Variants in FIG4 observed in about 807,000 individuals in gnomAD.
FIG4 encodes polyphosphoinositide phosphatase.
Under a neutral mutation model 118.6 loss-of-function variants are expected in FIG4, and 112 were observed. The ratio of observed to expected loss-of-function variants is 0.94; its 90% CI spans 0.81 to 1.11. The LOEUF (loss-of-function observed/expected upper bound fraction) is 1.11. FIG4 is among the 50% of genes least tolerant of loss of function. FIG4 has a pLI of 0.00. For missense variants in FIG4, 969 were observed against 1,111.7 expected (o/e 0.87, Z 1.83); for synonymous variants, 369 against 381.2 (o/e 0.97, Z 0.37).
At chr6:109,800,529 C>T (rs1257281381) in intron 22 of FIG4, among the ~76,000 whole-genome samples, 2 of 152,118 alleles carry the variant, frequency 1.3e-5, no homozygotes, top group East Asian at 1.9e-4. Context: ...GTGTTGCTGA[C>T]ATTATTGTAA....
intron 1 of FIG4, among the ~76,000 whole-genome samples, chr6:109,696,614 AT>A (rs1406996221): frequency 6.6e-6 from 1 of 152,244 alleles, no homozygotes; most frequent in Non-Finnish European, 1.5e-5. Flanking sequence ...TCTAGAGGAC[AT>A]TATGTTATAT....
At chr6:109,787,901 T>C (rs1218587316) in intron 18 of FIG4, among the ~76,000 whole-genome samples, 1 of 152,224 alleles carries the variant, frequency 6.6e-6, no homozygotes, top group East Asian at 1.9e-4. Flanking sequence ...GTAGTTAATA[T>C]ACAATCAGTC....
intron 10 of FIG4, among the ~76,000 whole-genome samples, chr6:109,744,286 A>G (rs1234228591): frequency 2.0e-5 from 3 of 152,148 alleles, no homozygotes; most frequent in Non-Finnish European, 2.9e-5. Context: ...AGGTGGTATT[A>G]GCCTCATAGT....
At chr6:109,692,034 T>G (rs1774465360) in intron 1 of FIG4, among the ~76,000 whole-genome samples, 1 of 152,224 alleles carries the variant, frequency 6.6e-6, no homozygotes, top group Admixed American at 6.6e-5. Context: ...TAAAGACAGA[T>G]AATTTGTTTG....
intron 10 of FIG4, among the ~76,000 whole-genome samples, chr6:109,748,621 T>C (rs527531385): frequency 6.6e-6 from 1 of 152,260 alleles, no homozygotes; most frequent in East Asian, 1.9e-4. Context: ...ATTAGTCTGT[T>C]TGCACACTGC....
intron 3 of FIG4, among the ~76,000 whole-genome samples, chr6:109,724,661 A>G (rs927645761): frequency 2.6e-5 from 4 of 152,176 alleles, no homozygotes; most frequent in Non-Finnish European, 4.4e-5. Flanking sequence ...TATCTGTTAG[A>G]AAATGGAGAG....
At chr6:109,806,276 T>G (rs543633019) in intron 22 of FIG4, among the ~76,000 whole-genome samples, 1 of 152,334 alleles carries the variant, frequency 6.6e-6, no homozygotes, top group South Asian at 2.1e-4. Context: ...TTATTTTTGT[T>G]TATCTGGAAC....
intron 18 of FIG4, among the ~76,000 whole-genome samples, chr6:109,787,764 A>C (rs1385143180): frequency 6.6e-6 from 1 of 152,194 alleles, no homozygotes; most frequent in Non-Finnish European, 1.5e-5. Context: ...TGAATTAGTA[A>C]ATACTGGACC....
chr6:109,765,250 C>A (rs1035393046), intron 14 of FIG4, 89 bp downstream of exon 14: 1 of 1,022,930 alleles, frequency 9.8e-7, no homozygotes, highest in Non-Finnish European at 1.5e-6. Context: ...AGCGTTTCTA[C>A]TTTTAGCTTC....
chr6:109,786,521 G>T (rs1777963775), intron 18 of FIG4, 72 bp downstream of exon 18: 1 of 1,545,464 alleles, frequency 6.5e-7, no homozygotes, highest in Admixed American at 1.7e-5. Flanking sequence ...ATATATGTCT[G>T]TCTTTACCAG....
At chr6:109,819,324 G>T (rs1778943308) in intron 22 of FIG4, among the ~76,000 whole-genome samples, 1 of 152,200 alleles carries the variant, frequency 6.6e-6, no homozygotes, top group African/African-American at 2.4e-5. Context: ...TGAGGTCCTT[G>T]GGTAGCCATC....
chr6:109,806,808 C>T (rs933227099), intron 22 of FIG4, among the ~76,000 whole-genome samples: 3 of 151,948 alleles, frequency 2.0e-5, no homozygotes, highest in Non-Finnish European at 4.4e-5. Context: ...TCCCTGTGTC[C>T]ATGTGTTCTC....
intron 1 of FIG4, chr6:109,701,850 C>T (rs1195486463): frequency 2.3e-6 from 1 of 431,942 alleles, no homozygotes. Flanking sequence ...GAGAGAGAAA[C>T]ATAGCGATTA....
At chr6:109,701,568 G>A (rs1238202245) in intron 1 of FIG4, among the ~76,000 whole-genome samples, 1 of 152,170 alleles carries the variant, frequency 6.6e-6, no homozygotes, top group African/African-American at 2.4e-5. Flanking sequence ...AGCAGGGGAC[G>A]GGGAGATGAA....
chr6:109,743,864 C>A, intron 10 of FIG4, 92 bp downstream of exon 10: 1 of 897,126 alleles, frequency 1.1e-6, no homozygotes, highest in Non-Finnish European at 1.9e-6. Flanking sequence ...CATGCTTTCC[C>A]TCTTCCTAGT....
intron 22 of FIG4, among the ~76,000 whole-genome samples, chr6:109,797,158 A>C (rs184095209): frequency 2.6e-5 from 4 of 152,322 alleles, no homozygotes; most frequent in African/African-American, 9.6e-5. Flanking sequence ...TCCTGGAGAC[A>C]TGCTCAAGTT....
intron 19 of FIG4, among the ~76,000 whole-genome samples, chr6:109,790,318 A>T (rs1395970576): frequency 6.6e-6 from 1 of 152,194 alleles, no homozygotes; most frequent in Admixed American, 6.5e-5. Flanking sequence ...GCTATGTGTG[A>T]TTTATCCAAT....
chr6:109,822,832 T>C (rs1779049076), intron 22 of FIG4, among the ~76,000 whole-genome samples: 1 of 145,662 alleles, frequency 6.9e-6, no homozygotes, highest in Admixed American at 6.9e-5. Context: ...TATATATCGC[T>C]TTCTTCAGCA....
intron 2 of FIG4, among the ~76,000 whole-genome samples, chr6:109,715,620 A>G (rs1775407019): frequency 6.6e-6 from 1 of 152,182 alleles, no homozygotes; most frequent in African/African-American, 2.4e-5. Flanking sequence ...GATTTGCTAT[A>G]CACTAAGGAA....
Sources: allele counts gnomAD v4.1 joint callset (sites outside exome capture counted in the v4.1 genomes callset), GRCh38; gene constraint gnomAD v4.1.1; transcripts MANE v1.5; gene names NCBI Gene and HGNC (gene_info 2026-07-23, HGNC 2026-07-21).